Variants in UBN1 observed in about 807,000 individuals in gnomAD.
UBN1 encodes ubinuclein-1.
A neutral mutation model predicts 108.5 loss-of-function variants in UBN1; 17 were observed. That is an observed-to-expected ratio of 0.16 (90% CI 0.11 to 0.24). The LOEUF (loss-of-function observed/expected upper bound fraction) is 0.24. Among genes scored for constraint, UBN1 ranks in the 10% least tolerant of loss-of-function variants. UBN1 has a pLI of 1.00. For synonymous variants in UBN1, 726 were observed against 564.2 expected (o/e 1.29, Z -4.07); for missense variants, 1,595 against 1,394.4 (o/e 1.14, Z -2.29).
chr16:4,877,661 C>T lies in UBN1; in HGVS notation c.3355+187C>T. ...CGCACTTCTACTCTTGGGGTTTCCT[C>T]TGGTCCCCACTTGGAGCTGCCGCCA... On this transcript the variant is annotated intron_variant, in intron 17 of 17. Transcript: ENST00000262376. This position sits in a 1 kb window ranked among gnomAD's most constrained non-coding sequence, Gnocchi z 4.3. The T allele has an allele frequency of 1.5e-6, 2 of 1,292,762 alleles. No individual in the cohort carries two copies. The highest frequency in any genetic ancestry group is 1.5e-5 in the African/African-American group (1 of 65,112). 80.1% of individuals were successfully genotyped at this position (1,292,762 alleles called of 1,614,324 possible).
intron 12 of UBN1, among the ~76,000 whole-genome samples, chr16:4,871,747 C>T (rs981262920): frequency 5.3e-5 from 8 of 151,818 alleles, no homozygotes; most frequent in African/African-American, 1.5e-4. Context: ...CCACCATGCC[C>T]GGCTAATTTT....
At chr16:4,864,570 G>A (rs2087229779) in intron 7 of UBN1, among the ~76,000 whole-genome samples, 1 of 152,084 alleles carries the variant, frequency 6.6e-6, no homozygotes, top group South Asian at 2.1e-4. Context: ...CTGTTAATAT[G>A]CATTGATGGT....
chr16:4,849,438 A>G (rs895548698), intron 1 of UBN1, among the ~76,000 whole-genome samples: 1 of 152,164 alleles, frequency 6.6e-6, no homozygotes, highest in East Asian at 1.9e-4. Flanking sequence ...TTTCTGTTTC[A>G]TCAATAACCA....
At chr16:4,860,487 A>G (rs2087009240) in intron 6 of UBN1, among the ~76,000 whole-genome samples, 177 bp from the exon 7 acceptor site, 1 of 152,172 alleles carries the variant, frequency 6.6e-6, no homozygotes, top group Admixed American at 6.5e-5. Context: ...TTAACTCTCA[A>G]GCTTTGGTCT....
At position 4,847,491 on chromosome 16, in the gene UBN1, C is replaced by G. The variant is rs542374002; in HGVS notation, c.-759C>G. On this transcript the variant is annotated 5_prime_UTR_variant, in exon 1 of 18. Transcript: ENST00000262376. ...AGCGCAGAGACTCCCGGCTCCTTCC[C>G]CCTCCCTTCGGCTCGTGACAACGAA... 1.4e-5 allele frequency: 8 copies of G among 575,524 alleles called. No individual in the cohort carries two copies. The highest frequency in any genetic ancestry group is 7.0e-5 in the East Asian group (2 of 28,464). The allele number at this position is 575,524 out of a possible 1,614,324, so 35.7% of individuals were successfully genotyped here. A position where few individuals can be genotyped will look rare whatever the true frequency, so the allele number is the denominator to read the frequency against.
At chr16:4,854,945 A>G (rs1194421933) in intron 2 of UBN1, among the ~76,000 whole-genome samples, 4 of 151,592 alleles carry the variant, frequency 2.6e-5, no homozygotes, top group Non-Finnish European at 5.9e-5. Context: ...GATGGTCTCG[A>G]TCTCCTGACC....
At position 4,875,001 on chromosome 16, in the gene UBN1, G is replaced by A. The variant is rs767266494; in HGVS notation, c.2591G>A (p.Gly864Asp). The change falls in exon 15 of 18, where the codon GGC (glycine) becomes GAC (aspartate). Residue 864 changes from glycine to aspartate, a missense_variant. By Grantham distance (94) the Gly-to-Asp change is moderately conservative. This residue lies in a region of UBN1 where 1,398 missense variants were observed against 1,194.7 expected (regional missense o/e 1.17). Coordinates refer to ENST00000262376, the MANE Select transcript of UBN1 (RefSeq NM_001079514.3). ...FHPSAPATSG[G>D]LSASSSSSHK... is the part of the protein sequence containing the mutation. ...CCCTCTGCACCAGCCACCTCAGGAG[G>A]CCTGTCAGCCTCCAGCAGCAGCTCT... 1 of 1,614,034 alleles carries A rather than the reference G, an allele frequency of 6.2e-7. No individual in the cohort carries two copies. The highest frequency in any genetic ancestry group is 2.2e-5 in the East Asian group (1 of 44,890).
At position 4,879,386 on chromosome 16, in the gene UBN1, C is replaced by T. The variant is rs539950921; in HGVS notation, c.3356-697C>T. Among the ~76,000 whole-genome samples the T allele has an allele frequency of 2.6e-5, 4 of 151,614 alleles. No individual in the cohort carries two copies. In the South Asian group the frequency reaches 8.3e-4, roughly 32 times the overall value. On this transcript the variant is annotated intron_variant, in intron 17 of 17. Transcript: ENST00000262376. The stretch of plus-strand genomic sequence containing the variant: ...CCCAGGAATCAGAGGGTATAGTGTG[C>T]TGTGATCATGCTTGTGAATAGCTGC...
chr16:4,857,351 C>CAA (rs33959421), intron 2 of UBN1, among the ~76,000 whole-genome samples: 3 of 121,032 alleles, frequency 2.5e-5, no homozygotes, highest in African/African-American at 3.1e-5. Flanking sequence ...ACTCTTATCT[C>CAA]AAAAAAAAAA....
chr16:4,870,684 C>T (rs745403830), intron 10 of UBN1, 50 bp downstream of exon 10: 24 of 1,607,246 alleles, frequency 1.5e-5, no homozygotes, highest in Non-Finnish European at 2.0e-5. Context: ...CTTGCCTCTT[C>T]CCCTCCCGTT....
rs1280789606 is a variant in UBN1, at chr16:4,864,598, T to C, written c.1110+3496T>C. Reference sequence around the variant, plus strand: ...TTGATGGTGTCTTTTGTCTTGGTTGTTGGCAGGTACAGGTGCTGACAAAGC... The same window carrying C: ...TTGATGGTGTCTTTTGTCTTGGTTGCTGGCAGGTACAGGTGCTGACAAAGC... On this transcript the variant is annotated intron_variant, in intron 7 of 17. Transcript: ENST00000262376. 2.6e-5 allele frequency among the ~76,000 whole-genome samples: 4 copies of C among 152,334 alleles called. No homozygotes were observed. In the East Asian group the frequency reaches 7.7e-4, roughly 29 times the overall value.
At chr16:4,855,906 C>G (rs1324733378) in intron 2 of UBN1, among the ~76,000 whole-genome samples, 1 of 152,196 alleles carries the variant, frequency 6.6e-6, no homozygotes, top group South Asian at 2.1e-4. Flanking sequence ...GTGATGGCGA[C>G]TCCATCTCCC....
intron 7 of UBN1, among the ~76,000 whole-genome samples, chr16:4,862,322 A>G (rs1357773883): frequency 2.6e-5 from 4 of 152,254 alleles, no homozygotes; most frequent in African/African-American, 9.6e-5. Flanking sequence ...CAAAGCAAAT[A>G]AAGTATCTAT....
Position 4,858,043 on chromosome 16 carries a change from A to G in UBN1, c.303A>G (p.Val101=), listed in dbSNP as rs777991860. The part of the protein sequence containing the change: ...FNDEEKERHK[V]EALARKFEEK... ...ACGAAGAAAAGGAAAGGCATAAAGT[A>G]GAGGCCCTTGCCCGAAAATTTGAAG... The change falls in exon 3 of 18, where the codon GTA becomes GTG. Residue 101 remains valine, a synonymous_variant. Coordinates refer to ENST00000262376, the MANE Select transcript of UBN1 (RefSeq NM_001079514.3). 2.5e-6 allele frequency: 4 copies of G among 1,613,606 alleles called. No homozygotes were observed. The highest frequency in any genetic ancestry group is 2.2e-5 in the South Asian group (2 of 91,044).
At chr16:4,869,965 T>A (rs748463936) in intron 8 of UBN1, among the ~76,000 whole-genome samples, 2 of 152,230 alleles carry the variant, frequency 1.3e-5, no homozygotes, top group Non-Finnish European at 2.9e-5. Flanking sequence ...CTGGGCTCTG[T>A]TTTCCTGGTA....
At chr16:4,870,746 T>G in intron 10 of UBN1, 98 bp from the exon 11 acceptor site, 2 of 1,588,078 alleles carry the variant, frequency 1.3e-6, no homozygotes, top group South Asian at 1.1e-5. Context: ...TTCTTTGGCC[T>G]TTTCTCCTTC....
At position 4,873,064 on chromosome 16, in the gene UBN1, C is replaced by T; in HGVS notation, c.1791C>T (p.Ile597=). The change falls in exon 14 of 18, where the codon ATC becomes ATT. Residue 597 remains isoleucine, a synonymous_variant. Coordinates refer to ENST00000262376, the MANE Select transcript of UBN1 (RefSeq NM_001079514.3). ...AGAAAGTTATGGCCCCTTCTAAAAT[C>T]AAGGTGAAGGTGAGTCAGTTTGCTC... ...AKKKVMAPSK[I]KVKESSTKPD... 1 of 1,614,158 alleles carries T rather than the reference C, an allele frequency of 6.2e-7. No individual in the cohort carries two copies.
chr16:4,874,364 C>A lies in UBN1; in HGVS notation c.1954C>A (p.Pro652Thr). Reference sequence around the variant, plus strand: ...CCAGGCATCGGGCGGCCTTGCTAACCCTCCTCCTGTCAACCTGGAGGACTC... The same window carrying A: ...CCAGGCATCGGGCGGCCTTGCTAACACTCCTCCTGTCAACCTGGAGGACTC... The part of the protein sequence containing the change: ...PSQASGGLAN[P>T]PPVNLEDSLD... The change falls in exon 15 of 18, where the codon CCT becomes ACT. Residue 652 changes from proline (P) to threonine (T), a missense_variant. By Grantham distance (38) the Pro-to-Thr change is conservative (BLOSUM62 -1). This residue lies in a region of UBN1 where 1,398 missense variants were observed against 1,194.7 expected (regional missense o/e 1.17). Transcript: ENST00000262376. 1 of 1,614,146 alleles carries A rather than the reference C, an allele frequency of 6.2e-7. No homozygotes were observed. The highest frequency in any genetic ancestry group is 8.5e-7 in the Non-Finnish European group (1 of 1,180,036).
At chr16:4,874,042 A>G (rs1051167244) in intron 14 of UBN1, among the ~76,000 whole-genome samples, 169 bp from the exon 15 acceptor site, 1 of 152,228 alleles carries the variant, frequency 6.6e-6, no homozygotes, top group African/African-American at 2.4e-5. Context: ...AAGTCATGGC[A>G]TCTAAAGTCA....
Sources: allele counts gnomAD v4.1 joint callset (sites outside exome capture counted in the v4.1 genomes callset), GRCh38; gene constraint gnomAD v4.1.1; regional missense constraint gnomAD v4.1.1; non-coding constraint Gnocchi (gnomAD v3.1); transcripts MANE v1.5; gene names NCBI Gene and HGNC (gene_info 2026-07-23, HGNC 2026-07-21).